Variants in H2AZ2 observed in about 807,000 individuals in gnomAD.
The protein encoded by H2AZ2 is histone H2A.V.
H2AZ2 carries 5 observed loss-of-function variants against 15.5 expected under a neutral mutation model. The observed-to-expected ratio is 0.32, with a 90% confidence interval of 0.17 to 0.68. The LOEUF is 0.68. H2AZ2 is among the 30% of genes least tolerant of loss of function. The pLI is 0.72. For synonymous variants in H2AZ2, 44 were observed against 57.4 expected (o/e 0.77, Z 1.05); for missense variants, 42 against 162.5 (o/e 0.26, Z 4.03).
In H2AZ2 at chr7:44,840,753, A is replaced by G; in HGVS notation, c.195+146T>C. The G allele has an allele frequency of 5.2e-6, 3 of 578,196 alleles. No homozygotes were observed. The East Asian group carries it at 9.1e-5, about 18-fold the overall frequency. The allele number at this position is 578,196 out of a possible 1,614,324, so 35.8% of individuals were successfully genotyped here. On this transcript the variant is annotated intron_variant, in intron 3 of 4. Transcript: ENST00000308153. ...CCATTGCACTCCAGCCTGGGAAACAAGAGTGAAACTCTGTCTCCAAACAAA... is the reference window on the plus strand; with the variant it reads ...CCATTGCACTCCAGCCTGGGAAACAGGAGTGAAACTCTGTCTCCAAACAAA...
At chr7:44,830,565 T>TA (rs1792985690), downstream of H2AZ2, among the ~76,000 whole-genome samples, 1 of 152,138 alleles carries the variant, frequency 6.6e-6, no homozygotes, top group Non-Finnish European at 1.5e-5. Flanking sequence ...ACCTTCTATT[T>TA]AAAAAAAGAA....
intron 1 of H2AZ2, among the ~76,000 whole-genome samples, chr7:44,847,178 C>T (rs1361402010): frequency 6.6e-6 from 1 of 152,194 alleles, no homozygotes; most frequent in Non-Finnish European, 1.5e-5. Flanking sequence ...TATTTTTACA[C>T]AATCTTTGAT....
intron 2 of H2AZ2, among the ~76,000 whole-genome samples, chr7:44,842,640 C>T (rs1793300801): frequency 1.3e-5 from 2 of 152,170 alleles, no homozygotes; most frequent in Admixed American, 1.3e-4. Context: ...ATTGGCCTTC[C>T]ATTTTCTACT....
In H2AZ2 at chr7:44,845,972, C is replaced by T. The variant is rs1256440544; in HGVS notation, c.3+1997G>A. On this transcript the variant is annotated intron_variant, in intron 1 of 4. Transcript: ENST00000308153. ...GAACCCAAATCTAAATTTTTTAATT[C>T]CAAGAACTGACTTCGTATTAACCTG... Among the ~76,000 whole-genome samples, 4 of 149,920 alleles carry T rather than the reference C, an allele frequency of 2.7e-5. No individual in the cohort carries two copies. In the Admixed American group the frequency reaches 2.7e-4, roughly 10 times the overall value.
chr7:44,840,360 T>G (rs1249435449), intron 3 of H2AZ2, among the ~76,000 whole-genome samples: 1 of 152,226 alleles, frequency 6.6e-6, no homozygotes, highest in Non-Finnish European at 1.5e-5. Context: ...GTGTTGGCAT[T>G]ACAGGCGTGA....
At chr7:44,837,034 C>A (rs538506204) in intron 3 of H2AZ2, among the ~76,000 whole-genome samples, 1 of 150,546 alleles carries the variant, frequency 6.6e-6, no homozygotes, top group African/African-American at 2.4e-5. Context: ...AACAAAACAA[C>A]AAAAAAAACA....
At position 44,842,754 on chromosome 7, in the gene H2AZ2, G is replaced by A. The variant is rs147959017; in HGVS notation, c.81+523C>T. ...TTAAGTTCCCATCCCCCTTCTTTCG[G>A]TATCATCTGGATAATGTTGTCCTCT... On this transcript the variant is annotated intron_variant, in intron 2 of 4. Transcript: ENST00000308153. Among the ~76,000 whole-genome samples, 474 of 152,142 alleles carry A rather than the reference G, an allele frequency of 3.1e-3. 2 individuals are homozygous for A. Among genetic ancestry groups the A allele is most frequent in the Non-Finnish European group, 5.4e-3 (365 of 67,994 alleles).
chr7:44,845,644 C>G (rs1350935384), intron 1 of H2AZ2, among the ~76,000 whole-genome samples: 1 of 152,172 alleles, frequency 6.6e-6, no homozygotes, highest in Non-Finnish European at 1.5e-5. Context: ...AATAACTACT[C>G]TGCTTAAGCA....
downstream of H2AZ2, among the ~76,000 whole-genome samples, chr7:44,830,756 G>T (rs540544144): frequency 6.6e-6 from 1 of 152,272 alleles, no homozygotes; most frequent in East Asian, 1.9e-4. Context: ...CCAGCACTTT[G>T]GGAGGCTGAG....
chr7:44,835,467 A>G, intron 4 of H2AZ2, 62 bp downstream of exon 4: 1 of 1,424,206 alleles, frequency 7.0e-7, no homozygotes, highest in Middle Eastern at 1.9e-4. Context: ...TATATCATTG[A>G]TCTGAACGAT....
intron 2 of H2AZ2, among the ~76,000 whole-genome samples, chr7:44,841,938 C>G (rs1222017546): frequency 6.6e-6 from 1 of 152,202 alleles, no homozygotes; most frequent in Non-Finnish European, 1.5e-5. Flanking sequence ...TTTCCAAAGA[C>G]TGAATTGAAA....
At chr7:44,841,418 A>G (rs1242697310) in intron 2 of H2AZ2, among the ~76,000 whole-genome samples, 1 of 151,252 alleles carries the variant, frequency 6.6e-6, no homozygotes, top group Non-Finnish European at 1.5e-5. Context: ...AAGAAAAATC[A>G]ATACTATTAT....
intron 2 of H2AZ2, 59 bp from the exon 3 acceptor site, chr7:44,841,071 A>T (rs544076727): frequency 8.1e-7 from 1 of 1,239,878 alleles, no homozygotes; most frequent in African/African-American, 1.5e-5. Context: ...CACTGACTGT[A>T]ATCAAAGGCT....
chr7:44,835,302 T>C, intron 4 of H2AZ2: 1 of 436,758 alleles, frequency 2.3e-6, no homozygotes, highest in Non-Finnish European at 4.0e-6. Context: ...TCATATGAAA[T>C]TTAGACAAAG....
In H2AZ2 at chr7:44,833,367, G is replaced by C. The variant is rs1472478716; in HGVS notation, c.*1134C>G. 6.6e-6 allele frequency among the ~76,000 whole-genome samples: 1 copy of C among 152,102 alleles called. No homozygotes were observed. The highest frequency in any genetic ancestry group is 1.5e-5 in the Non-Finnish European group (1 of 68,028). ...CATGCCTCAGCCTCCTGAGTAGCTGGGACTACAGGCGCGTGCCACCACACC... is the reference window on the plus strand; with the variant it reads ...CATGCCTCAGCCTCCTGAGTAGCTGCGACTACAGGCGCGTGCCACCACACC... On this transcript the variant is annotated 3_prime_UTR_variant, in exon 5 of 5. Transcript: ENST00000308153.
intron 1 of H2AZ2, among the ~76,000 whole-genome samples, chr7:44,845,769 AT>A (rs1217314831): frequency 6.6e-6 from 1 of 152,184 alleles, no homozygotes; most frequent in African/African-American, 2.4e-5. Flanking sequence ...TATTTCCAAC[AT>A]TTAGAGATTC....
intron 1 of H2AZ2, among the ~76,000 whole-genome samples, chr7:44,846,844 G>A (rs143880489): frequency 5.9e-4 from 89 of 151,654 alleles, no homozygotes; most frequent in Non-Finnish European, 1.2e-3. Flanking sequence ...CTAAGATTTG[G>A]GTTTTTTACA....
intron 3 of H2AZ2, among the ~76,000 whole-genome samples, chr7:44,837,736 G>C (rs1793164034): frequency 6.7e-6 from 1 of 149,448 alleles, no homozygotes; most frequent in Non-Finnish European, 1.5e-5. Context: ...CAAATGATCT[G>C]CCCACATTGA....
chr7:44,847,521 A>G (rs1160990795), intron 1 of H2AZ2, among the ~76,000 whole-genome samples: 1 of 152,218 alleles, frequency 6.6e-6, no homozygotes, highest in East Asian at 1.9e-4. Flanking sequence ...ACCCTTTCGC[A>G]GAAACCCTCA....
Sources: gnomAD v4.1 joint callset for allele counts (sites outside exome capture counted in the v4.1 genomes callset) on GRCh38, gnomAD v4.1.1 for gene constraint, MANE v1.5 for transcripts, NCBI Gene and HGNC (gene_info 2026-07-23, HGNC 2026-07-21) for gene names.